The following KCNQ1OT1 variants were observed in gnomAD, a reference collection of about 807,000 sequenced individuals.
KCNQ1OT1 encodes KCNQ1 antisense RNA 2 (non-protein coding).
chr11:2,614,059 A>G (rs997198224), exon 1 of KCNQ1OT1: 93 of 398,446 alleles, frequency 2.3e-4, no homozygotes, highest in African/African-American at 1.7e-3. Flanking sequence ...CTTTCAACCA[A>G]TCTCTTATGC....
chr11:2,679,802 G>A lies in KCNQ1OT1; in HGVS notation n.20193C>T. On this transcript the variant is annotated non_coding_transcript_exon_variant, in exon 1 of 1. Transcript: ENST00000597346. This position sits in a 1 kb window ranked among gnomAD's most constrained non-coding sequence, Gnocchi z 4.8. ...CTGTTAGGCCAGTTGAGGGCTAGAG[G>A]AGCACAAGGGGCCAGACTGCTGCTA... 1 of 398,618 alleles carries A rather than the reference G, an allele frequency of 2.5e-6. No homozygotes were observed. The highest frequency in any genetic ancestry group is 4.4e-6 in the Non-Finnish European group (1 of 226,062). 24.7% of individuals were successfully genotyped at this position (398,618 alleles called of 1,614,324 possible). A position where few individuals can be genotyped will look rare whatever the true frequency, so the allele number is the denominator to read the frequency against.
chr11:2,628,840 C>G lies in KCNQ1OT1; in HGVS notation n.71155G>C, dbSNP rs186288172. On this transcript the variant is annotated non_coding_transcript_exon_variant, in exon 1 of 1. Coordinates refer to ENST00000597346, the Ensembl canonical transcript of KCNQ1OT1. Reference sequence around the variant, plus strand: ...TTTAATTTTTTTGCATGTGGATATCCTGGTTTCACAGTGCCATTTATTCAA... The same window carrying G: ...TTTAATTTTTTTGCATGTGGATATCGTGGTTTCACAGTGCCATTTATTCAA... 16 of 398,236 alleles carry G rather than the reference C, an allele frequency of 4.0e-5. No homozygotes were observed. The East Asian group carries it at 5.4e-4, about 13-fold the overall frequency. 24.7% of individuals were successfully genotyped at this position (398,236 alleles called of 1,614,324 possible).
Position 2,645,565 on chromosome 11 carries a change from A to T in KCNQ1OT1, n.54430T>A. Reference sequence around the variant, plus strand: ...GGGATTGCTTTCAGTGGCAGCAGCTATAAACAGGCAGTTGGGCAATGCATG... The same window carrying T: ...GGGATTGCTTTCAGTGGCAGCAGCTTTAAACAGGCAGTTGGGCAATGCATG... On this transcript the variant is annotated non_coding_transcript_exon_variant, in exon 1 of 1. Coordinates refer to ENST00000597346, the Ensembl canonical transcript of KCNQ1OT1. The surrounding 1 kb of genome is among the most constrained non-coding windows in gnomAD (Gnocchi z 5.8). 2.5e-6 allele frequency: 1 copy of T among 398,748 alleles called. No homozygotes were observed. The highest frequency in any genetic ancestry group is 4.4e-6 in the Non-Finnish European group (1 of 226,144). 24.7% of individuals were successfully genotyped at this position (398,748 alleles called of 1,614,324 possible).
At position 2,613,380 on chromosome 11, in the gene KCNQ1OT1, G is replaced by A; in HGVS notation, n.86615C>T. 5.0e-6 allele frequency: 2 copies of A among 398,498 alleles called. No individual in the cohort carries two copies. Among genetic ancestry groups the A allele is most frequent in the Non-Finnish European group, 8.8e-6 (2 of 226,036 alleles). The allele number at this position is 398,498 out of a possible 1,614,324, so 24.7% of individuals were successfully genotyped here. On this transcript the variant is annotated non_coding_transcript_exon_variant, in exon 1 of 1. Transcript: ENST00000597346. This position sits in a 1 kb window ranked among gnomAD's most constrained non-coding sequence, Gnocchi z 4.8. Reference sequence around the variant, plus strand: ...GAAACATTAGGTTGCTGTGATGTGGGTTGCCTCCAATTATTTGCCACTGAA... The same window carrying A: ...GAAACATTAGGTTGCTGTGATGTGGATTGCCTCCAATTATTTGCCACTGAA...
In KCNQ1OT1 at chr11:2,659,267, T is replaced by G; in HGVS notation, n.40728A>C. On this transcript the variant is annotated non_coding_transcript_exon_variant, in exon 1 of 1. Transcript: ENST00000597346. This position sits in a 1 kb window ranked among gnomAD's most constrained non-coding sequence, Gnocchi z 4.3. ...GGTGAGTCTTTTGAAGTCAAGTACT[T>G]CTCCCCTAACCACTGGCAGCTATTG... 1 of 398,638 alleles carries G rather than the reference T, an allele frequency of 2.5e-6. No homozygotes were observed. Among genetic ancestry groups the G allele is most frequent in the East Asian group, 3.6e-5 (1 of 28,078 alleles). The allele number at this position is 398,638 out of a possible 1,614,324, so 24.7% of individuals were successfully genotyped here.
At chr11:2,629,518 G>A (rs1358566730) in exon 1 of KCNQ1OT1, 1 of 398,250 alleles carries the variant, frequency 2.5e-6, no homozygotes, top group East Asian at 3.6e-5. Flanking sequence ...ATGGAGTTAG[G>A]TAAAGGTCTC....
In KCNQ1OT1 at chr11:2,629,293, T is replaced by C. The variant is rs905133475; in HGVS notation, n.70702A>G. ...TCAATGTTTCATAGTTTTCAGTGTC[T>C]AGGTCTTTTATCTCCTTGGTTAAAT... On this transcript the variant is annotated non_coding_transcript_exon_variant, in exon 1 of 1. Transcript: ENST00000597346. 32 of 398,444 alleles carry C rather than the reference T, an allele frequency of 8.0e-5. 1 individual carries two copies. Among genetic ancestry groups the C allele is most frequent in the Middle Eastern group, 1.3e-3 (2 of 1,586 alleles). The allele number at this position is 398,444 out of a possible 1,614,324, so 24.7% of individuals were successfully genotyped here.
In KCNQ1OT1 at chr11:2,698,638, A is replaced by G; in HGVS notation, n.1357T>C. 1 of 398,348 alleles carries G rather than the reference A, an allele frequency of 2.5e-6. No individual in the cohort carries two copies. The highest frequency in any genetic ancestry group is 4.4e-6 in the Non-Finnish European group (1 of 225,996). 24.7% of individuals were successfully genotyped at this position (398,348 alleles called of 1,614,324 possible). Reference sequence around the variant, plus strand: ...CTCCCATACCCCACTGAGACCTCTAACCCCAATCCCAATCTCTTAACTCAG... The same window carrying G: ...CTCCCATACCCCACTGAGACCTCTAGCCCCAATCCCAATCTCTTAACTCAG... On this transcript the variant is annotated non_coding_transcript_exon_variant, in exon 1 of 1. Coordinates refer to ENST00000597346, the Ensembl canonical transcript of KCNQ1OT1. This position sits in a 1 kb window ranked among gnomAD's most constrained non-coding sequence, Gnocchi z 5.1.
At chr11:2,648,981 C>CTTTTTTCTTTTTTTTTTTTTTTT (rs1849710956) in exon 1 of KCNQ1OT1, 2 of 213,302 alleles carry the variant, frequency 9.4e-6, no homozygotes, top group African/African-American at 4.4e-5. Context: ...TTTTCTTTTT[C>CTTTTTTCTTTTTTTTTTTTTTTT]TTTTTTTTTT....
At position 2,627,654 on chromosome 11, in the gene KCNQ1OT1, T is replaced by G. The variant is rs886556980; in HGVS notation, n.72341A>C. On this transcript the variant is annotated non_coding_transcript_exon_variant, in exon 1 of 1. Transcript: ENST00000597346. The surrounding 1 kb of genome is among the most constrained non-coding windows in gnomAD (Gnocchi z 4.9). ...TTCCTGCTTTTTAAAGGATGAATAT[T>G]TCATTGTGTGTGTGTATATATGTGT... is the stretch of plus-strand genomic sequence containing the variant. The G allele has an allele frequency of 5.3e-5, 21 of 398,424 alleles. No individual in the cohort carries two copies. Among genetic ancestry groups the G allele is most frequent in the African/African-American group, 3.9e-4 (19 of 48,622 alleles). 24.7% of individuals were successfully genotyped at this position (398,424 alleles called of 1,614,324 possible).
exon 1 of KCNQ1OT1, chr11:2,640,874 A>G: frequency 2.5e-6 from 1 of 399,440 alleles, no homozygotes; most frequent in Non-Finnish European, 4.4e-6. Context: ...TCTACTCTCT[A>G]CCTCCATGAG....
At chr11:2,618,554 T>A in exon 1 of KCNQ1OT1, 1 of 398,588 alleles carries the variant, frequency 2.5e-6, no homozygotes. Context: ...GTTCCACTGG[T>A]CTACATGTTT....
Position 2,664,190 on chromosome 11 carries a change from G to T in KCNQ1OT1, n.35805C>A. 1 of 398,718 alleles carries T rather than the reference G, an allele frequency of 2.5e-6. No individual in the cohort carries two copies. The highest frequency in any genetic ancestry group is 4.4e-6 in the Non-Finnish European group (1 of 226,172). 24.7% of individuals were successfully genotyped at this position (398,718 alleles called of 1,614,324 possible). On this transcript the variant is annotated non_coding_transcript_exon_variant, in exon 1 of 1. Transcript: ENST00000597346. The surrounding 1 kb of genome is among the most constrained non-coding windows in gnomAD (Gnocchi z 5.1). Reference sequence around the variant, plus strand: ...GTGGCTGCTAGATATGAGCCAGCCTGGGAAGGCAGGAAGGAGCCCAGGCAT... The same window carrying T: ...GTGGCTGCTAGATATGAGCCAGCCTTGGAAGGCAGGAAGGAGCCCAGGCAT...
At position 2,696,038 on chromosome 11, in the gene KCNQ1OT1, C is replaced by A. The variant is rs1850670949; in HGVS notation, n.3957G>T. ...TAAAAGTGAAAAACGCAAATTGTTT[C>A]CTTAGTATTATTATGAAAACAGTCT... On this transcript the variant is annotated non_coding_transcript_exon_variant, in exon 1 of 1. Coordinates refer to ENST00000597346, the Ensembl canonical transcript of KCNQ1OT1. 3 of 398,528 alleles carry A rather than the reference C, an allele frequency of 7.5e-6. No individual in the cohort carries two copies. The South Asian group carries it at 3.8e-4, about 51-fold the overall frequency. 24.7% of individuals were successfully genotyped at this position (398,528 alleles called of 1,614,324 possible).
chr11:2,661,420 G>C lies in KCNQ1OT1; in HGVS notation n.38575C>G. 1 of 422,034 alleles carries C rather than the reference G, an allele frequency of 2.4e-6. No individual in the cohort carries two copies. The highest frequency in any genetic ancestry group is 3.9e-5 in the Admixed American group (1 of 25,716). 26.1% of individuals were successfully genotyped at this position (422,034 alleles called of 1,614,324 possible). A position where few individuals can be genotyped will look rare whatever the true frequency, so the allele number is the denominator to read the frequency against. ...GGAGGGACTCCTGTGCCTCATTGGG[G>C]GTACAACTGGTTGATGTAGCATCGT... On this transcript the variant is annotated non_coding_transcript_exon_variant, in exon 1 of 1. Transcript: ENST00000597346. The surrounding 1 kb of genome is among the most constrained non-coding windows in gnomAD (Gnocchi z 5.9).
In KCNQ1OT1 at chr11:2,611,114, A is replaced by G; in HGVS notation, n.88881T>C. On this transcript the variant is annotated non_coding_transcript_exon_variant, in exon 1 of 1. Coordinates refer to ENST00000597346, the Ensembl canonical transcript of KCNQ1OT1. This position sits in a 1 kb window ranked among gnomAD's most constrained non-coding sequence, Gnocchi z 5.3. ...TATTTCTTTATGACTTCTGTTTATG[A>G]TTTCTATTTCTTCCTGTTAAATTTT... The G allele has an allele frequency of 2.5e-6, 1 of 398,000 alleles. No homozygotes were observed. Among genetic ancestry groups the G allele is most frequent in the East Asian group, 3.6e-5 (1 of 28,022 alleles). 24.7% of individuals were successfully genotyped at this position (398,000 alleles called of 1,614,324 possible).
At chr11:2,646,848 T>C in exon 1 of KCNQ1OT1, 1 of 398,676 alleles carries the variant, frequency 2.5e-6, no homozygotes, top group South Asian at 1.3e-4. Context: ...TTTTTTATCC[T>C]GCAACTTTAT....
chr11:2,684,062 G>C (rs1042370210), exon 1 of KCNQ1OT1: 5 of 397,982 alleles, frequency 1.3e-5, no homozygotes, highest in African/African-American at 8.3e-5. Flanking sequence ...ACATTGTTTA[G>C]AGTAAATAAT....
At chr11:2,681,416 T>C (rs1590028543) in exon 1 of KCNQ1OT1, 1 of 398,378 alleles carries the variant, frequency 2.5e-6, no homozygotes, top group South Asian at 1.3e-4. Context: ...AGAATGGGGA[T>C]CCCTGTGACA....
Sources: gnomAD v4.1 joint callset for allele counts on GRCh38, gnomAD v4.1.1 for gene constraint, Gnocchi (gnomAD v3.1) non-coding constraint, MANE v1.5 for transcripts, NCBI Gene and HGNC (gene_info 2026-07-23, HGNC 2026-07-21) for gene names.